Variants in SERAC1 observed in about 807,000 individuals in gnomAD.
SERAC1 encodes the protein serine active site containing 1.
A neutral mutation model predicts 85.7 loss-of-function variants in SERAC1; 36 were observed. The observed-to-expected ratio is 0.42, with a 90% confidence interval of 0.32 to 0.55. The LOEUF (loss-of-function observed/expected upper bound fraction) is 0.55, where lower values mean the gene tolerates loss of function less well. SERAC1 is among the 20% of genes least tolerant of loss of function. The probability of loss-of-function intolerance (pLI) is 0.11; values close to 1 mark genes in which losing one functional copy is unlikely to be tolerated. For synonymous variants in SERAC1, 242 were observed against 265.3 expected, an observed-to-expected ratio of 0.91 and a Z score of 0.85; for missense variants, 629 against 796.2, an observed-to-expected ratio of 0.79 and a Z score of 2.53.
chr6:158,158,555 ATT>A (rs1785412733), intron 1 of SERAC1, 191 bp from the exon 2 acceptor site: 1 of 476,632 alleles, frequency 2.1e-6, no homozygotes, highest in South Asian at 3.0e-5. Context: ...TTAGAATAAT[ATT>A]TTGTTAGAAT....
chr6:158,119,022 C>T lies in SERAC1; in HGVS notation c.1308+7G>A, dbSNP rs201873667. 3.2e-4 allele frequency: 523 copies of T among 1,610,734 alleles called. No homozygotes were observed. The highest frequency in any genetic ancestry group is 3.1e-4 in the Non-Finnish European group (361 of 1,178,118). ...GCAACCAGGGCCAGAGTCAGTGGCT[C>T]CCTTACCTTGGGCCAGCACGTCGTA... On this transcript the variant is annotated splice_region_variant and intron_variant, in intron 12 of 16. Coordinates refer to ENST00000647468, the MANE Select transcript of SERAC1 (RefSeq NM_032861.4). The surrounding 1 kb of genome is among the most constrained non-coding windows in gnomAD (Gnocchi z 4.5).
intron 8 of SERAC1, among the ~76,000 whole-genome samples, chr6:158,130,979 C>G (rs1413664971): frequency 6.6e-6 from 1 of 152,086 alleles, no homozygotes; most frequent in Non-Finnish European, 1.5e-5. Flanking sequence ...AGTTGAAATT[C>G]AATTCAAGTT....
At chr6:158,129,150 T>C (rs827672) in intron 9 of SERAC1, among the ~76,000 whole-genome samples, 81,296 of 152,058 alleles carry the variant, frequency 0.53, 22,116 homozygotes, top group African/African-American at 0.63. Flanking sequence ...CCATGCACTG[T>C]CCTTTCTACT....
Position 158,158,287 on chromosome 6 carries a change from T to C in SERAC1, c.77A>G (p.His26Arg), listed in dbSNP as rs1390674362. The C allele has an allele frequency of 1.9e-6, 3 of 1,611,122 alleles. No homozygotes were observed. In the East Asian group the frequency reaches 6.7e-5, roughly 36 times the overall value. ...TSTSPPKSGT[H>R]WRDIRNIIKF... Reference sequence around the variant, plus strand: ...GCTGTACTCACTGATATCTCTCCAGTGTGTGCCACTTTTTGGTGGGGAAGT... The same window carrying C: ...GCTGTACTCACTGATATCTCTCCAGCGTGTGCCACTTTTTGGTGGGGAAGT... Residue 26 changes from histidine (H) to arginine (R), a missense_variant, in exon 2 of 17, where the codon CAC becomes CGC. Physicochemically the swap from His to Arg is conservative, Grantham distance 29. Transcript: ENST00000647468.
Position 158,117,791 on chromosome 6 carries a change from G to A in SERAC1, c.1339C>T (p.Arg447Ter), listed in dbSNP as rs752239703. 9 of 1,613,994 alleles carry A rather than the reference G, an allele frequency of 5.6e-6. No homozygotes were observed. Among genetic ancestry groups the A allele is most frequent in the South Asian group, 2.2e-5 (2 of 91,066 alleles). The change falls in exon 13 of 17, where the codon CGA (arginine) becomes TGA (stop). Residue 447 changes from arginine (R) to a stop codon, truncating the protein, a stop_gained. Transcript: ENST00000647468. LOFTEE classifies it high-confidence loss of function. The surrounding 1 kb of genome is among the most constrained non-coding windows in gnomAD (Gnocchi z 4.3). ...GTGTCATACTCCACAGATATAATTC[G>A]GAGAGCAGGACAGTCTTTTGCTAAC... ...TWLAKDCPAL[R>*]IISVEYDTSL... is the part of the protein sequence containing the mutation.
chr6:158,118,636 A>AG (rs1491557179), intron 12 of SERAC1, among the ~76,000 whole-genome samples: 22 of 150,622 alleles, frequency 1.5e-4, no homozygotes, highest in African/African-American at 5.1e-4. Flanking sequence ...AAAAAAAAAA[A>AG]GAAGGAAAGA....
chr6:158,160,580 G>T (rs1020873477), intron 1 of SERAC1, among the ~76,000 whole-genome samples: 2 of 151,964 alleles, frequency 1.3e-5, no homozygotes, highest in South Asian at 2.1e-4. Flanking sequence ...ATAATCTTTT[G>T]GTATCATTTA....
At chr6:158,155,471 T>A (rs1039967950) in intron 2 of SERAC1, 120 bp from the exon 3 acceptor site, 15 of 601,234 alleles carry the variant, frequency 2.5e-5, no homozygotes, top group Non-Finnish European at 4.3e-5. Context: ...ATTATTTTTC[T>A]ATTAATATAA....
At position 158,114,988 on chromosome 6, in the gene SERAC1, G is replaced by GA. The variant is rs780420200; in HGVS notation, c.1502-18dup. The GA allele has an allele frequency of 8.1e-5, 129 of 1,588,300 alleles. No individual in the cohort carries two copies. In the African/African-American group the frequency reaches 1.0e-3, roughly 12 times the overall value. On this transcript the variant is annotated splice_polypyrimidine_tract_variant and intron_variant, in intron 14 of 16. Transcript: ENST00000647468. The stretch of plus-strand genomic sequence containing the variant: ...CAAGAAGACCTAGCCACAGACAAGG[G>GA]AAAAAAACAATGCATAAGCTATTTT...
rs114403804 is a variant in SERAC1 at position 158,123,645 on chromosome 6, G to C, written c.1016-3070C>G. ...TCATAAGCATGCTGACAACCAATCT[G>C]CAATGATTCCACGTTCAGCCACAGA... is the stretch of plus-strand genomic sequence containing the variant. On this transcript the variant is annotated intron_variant, in intron 10 of 16. Coordinates refer to ENST00000647468, the MANE Select transcript of SERAC1 (RefSeq NM_032861.4). Among the ~76,000 whole-genome samples, 593 of 152,312 alleles carry C rather than the reference G, an allele frequency of 3.9e-3. 5 individuals are homozygous for C. The highest frequency in any genetic ancestry group is 0.014 in the African/African-American group (568 of 41,564).
intron 6 of SERAC1, 151 bp downstream of exon 6, chr6:158,146,631 T>C: frequency 1.2e-6 from 1 of 863,442 alleles, no homozygotes; most frequent in Admixed American, 2.5e-5. Context: ...GGGTGGGTCT[T>C]GAACTCCTGA....
intron 13 of SERAC1, chr6:158,116,530 G>A (rs534152829): frequency 4.7e-6 from 2 of 422,678 alleles, no homozygotes; most frequent in East Asian, 4.4e-5. Flanking sequence ...GAGCCACCAC[G>A]CCTGGGATCT....
Position 158,143,089 on chromosome 6 carries a change from A to G in SERAC1, c.705T>C (p.Leu235=), listed in dbSNP as rs1312011062. 1.2e-6 allele frequency: 2 copies of G among 1,612,960 alleles called. No individual in the cohort carries two copies. The highest frequency in any genetic ancestry group is 1.3e-5 in the African/African-American group (1 of 74,854). The part of the protein sequence containing the change: ...ECIQYFTSLA[L]SESSQSLAAQ... ...CAGCTAGACTCTGACTGCTTTCACT[A>G]AGAGCCAAAGATGTAAAATACTGGA... The change falls in exon 8 of 17, where the codon CTT becomes CTC. Residue 235 remains leucine (L), a synonymous_variant. Coordinates refer to ENST00000647468, the MANE Select transcript of SERAC1 (RefSeq NM_032861.4).
rs1015055811 is a variant in SERAC1 at position 158,117,504 on chromosome 6, T to A, written c.1403+223A>T. ...TATTAGAACAGTTGTAAATAAACCA[T>A]GTTAGGAGCCCACCATTGGTGATAT... On this transcript the variant is annotated intron_variant, in intron 13 of 16. Coordinates refer to ENST00000647468, the MANE Select transcript of SERAC1 (RefSeq NM_032861.4). The surrounding 1 kb of genome is among the most constrained non-coding windows in gnomAD (Gnocchi z 4.3). The A allele has an allele frequency of 1.3e-6, 2 of 1,549,830 alleles. No individual in the cohort carries two copies. Among genetic ancestry groups the A allele is most frequent in the East Asian group, 4.9e-5 (2 of 40,920 alleles).
chr6:158,161,370 A>C (rs1785483761), intron 1 of SERAC1: 1 of 151,274 alleles, frequency 6.6e-6, no homozygotes, highest in Non-Finnish European at 1.5e-5. Context: ...AGACAGAGTA[A>C]GACTCTGTCT....
In SERAC1 at chr6:158,156,670, C is replaced by T. The variant is rs564221078; in HGVS notation, c.92-1319G>A. Among the ~76,000 whole-genome samples the T allele has an allele frequency of 1.3e-3, 194 of 149,390 alleles. 1 individual carries two copies. The highest frequency in any genetic ancestry group is 4.6e-3 in the African/African-American group (187 of 40,674). Reference sequence around the variant, plus strand: ...AAGCTTCTGTTACATGCACTGAGCACAACCTTAACTGATGGTACTCATGAT... The same window carrying T: ...AAGCTTCTGTTACATGCACTGAGCATAACCTTAACTGATGGTACTCATGAT... On this transcript the variant is annotated intron_variant, in intron 2 of 16. Transcript: ENST00000647468.
chr6:158,129,358 G>A (rs934806528), intron 9 of SERAC1, among the ~76,000 whole-genome samples: 1 of 152,190 alleles, frequency 6.6e-6, no homozygotes, highest in African/African-American at 2.4e-5. Context: ...CTGAACTGGA[G>A]AGTTCCGAAT....
At chr6:158,156,910 ATTTAT>A in intron 2 of SERAC1, among the ~76,000 whole-genome samples, 1 of 100,546 alleles carries the variant, frequency 9.9e-6, no homozygotes, top group African/African-American at 3.4e-5. Flanking sequence ...ATATTAATAT[ATTTAT>A]ATAAATATTA....
intron 4 of SERAC1, among the ~76,000 whole-genome samples, chr6:158,150,205 T>C (rs1785169681): frequency 6.6e-6 from 1 of 152,212 alleles, no homozygotes; most frequent in African/African-American, 2.4e-5. Flanking sequence ...GATGTGGAAT[T>C]CCAGGTTCAG....
Sources: gnomAD v4.1 joint callset for allele counts (sites outside exome capture counted in the v4.1 genomes callset) on GRCh38, gnomAD v4.1.1 for gene constraint, Gnocchi (gnomAD v3.1) non-coding constraint, MANE v1.5 for transcripts, NCBI Gene and HGNC (gene_info 2026-07-23, HGNC 2026-07-21) for gene names.